Variants in FARP1 observed in about 807,000 individuals in gnomAD.
FARP1 encodes the protein FERM, ARH/RhoGEF and pleckstrin domain protein 1, also known as FERM, ARHGEF and pleckstrin domain-containing protein 1.
In FARP1, 52 loss-of-function variants were observed where a neutral mutation model predicts 128.8. The ratio of observed to expected loss-of-function variants is 0.40; its 90% confidence interval spans 0.32 to 0.51. FARP1 has a LOEUF of 0.51. Ranked by LOEUF, FARP1 falls within the 20% of genes least tolerant of loss-of-function variation. The pLI, the probability that FARP1 is intolerant of heterozygous loss-of-function variation, is 0.45. For missense variants in FARP1, 1,333 were observed against 1,367.9 expected (o/e 0.97, Z 0.40); for synonymous variants, 580 against 551.8 (o/e 1.05, Z -0.72).
At chr13:98,262,439 T>C (rs7997235) in intron 2 of FARP1, among the ~76,000 whole-genome samples, 23,931 of 152,084 alleles carry the variant, frequency 0.16, 2,149 homozygotes, top group African/African-American at 0.24. Flanking sequence ...CCTGTGAATA[T>C]GGTTTTTCTC....
intron 16 of FARP1, among the ~76,000 whole-genome samples, chr13:98,417,121 G>C (rs1427869974): frequency 2.0e-5 from 3 of 152,096 alleles, no homozygotes; most frequent in Non-Finnish European, 4.4e-5. Flanking sequence ...GAAAATGGGA[G>C]GGAAGTCAAA....
At chr13:98,335,939 A>G (rs1336928970) in intron 2 of FARP1, among the ~76,000 whole-genome samples, 1 of 152,218 alleles carries the variant, frequency 6.6e-6, no homozygotes, top group Non-Finnish European at 1.5e-5. Context: ...CCAAAACAGC[A>G]AAAATGAAAC....
At chr13:98,401,179 A>G (rs1331744888) in intron 13 of FARP1, 1 of 152,146 alleles carries the variant, frequency 6.6e-6, no homozygotes, top group Non-Finnish European at 1.5e-5. Context: ...GAGCGGCATA[A>G]AGACATTTAC....
intron 14 of FARP1, among the ~76,000 whole-genome samples, chr13:98,410,222 G>A (rs72652219): frequency 0.044 from 6,759 of 152,340 alleles, 220 homozygotes; most frequent in Middle Eastern, 0.071. Flanking sequence ...CTCCACGGTG[G>A]GGCTGGCTGC....
intron 16 of FARP1, 36 bp downstream of exon 16, chr13:98,412,070 C>G (rs374854391): frequency 6.2e-7 from 1 of 1,602,062 alleles, no homozygotes; most frequent in Admixed American, 1.7e-5. Context: ...ACGTTCCTCC[C>G]TCCGTCTTGC....
intron 2 of FARP1, among the ~76,000 whole-genome samples, chr13:98,342,515 A>G (rs1209181277): frequency 1.3e-5 from 2 of 151,946 alleles, no homozygotes; most frequent in Non-Finnish European, 2.9e-5. Flanking sequence ...CCTGACCAAC[A>G]TGGTGAAACC....
At position 98,379,121 on chromosome 13, in the gene FARP1, TAA is replaced by T. The variant is rs1491472863; in HGVS notation, c.496+1204_496+1205del. On this transcript the variant is annotated intron_variant, in intron 6 of 26. Transcript: ENST00000319562. ...ATATATATAATATATAATCTATATA[TAA>T]TATATATATAATATATAATCTATAT... Among the ~76,000 whole-genome samples the T allele has an allele frequency of 3.8e-4, 33 of 86,696 alleles. 4 individuals carry two copies. The highest frequency in any genetic ancestry group is 6.1e-4 in the Non-Finnish European group (32 of 52,654). The allele number at this position is 86,696 out of a possible 152,430, so 56.9% of individuals were successfully genotyped here.
chr13:98,402,603 T>A (rs1430532645), intron 13 of FARP1: 1 of 152,188 alleles, frequency 6.6e-6, no homozygotes, highest in Non-Finnish European at 1.5e-5. Context: ...TTTGTCACTT[T>A]CCCTGCAGTG....
intron 2 of FARP1, among the ~76,000 whole-genome samples, chr13:98,306,573 C>T (rs897897830): frequency 2.0e-5 from 3 of 151,870 alleles, no homozygotes; most frequent in East Asian, 3.9e-4. Flanking sequence ...GGAGTGCAGT[C>T]GTGCAATTGT....
intron 2 of FARP1, among the ~76,000 whole-genome samples, chr13:98,268,484 T>C (rs1884234951): frequency 6.6e-6 from 1 of 152,172 alleles, no homozygotes; most frequent in Non-Finnish European, 1.5e-5. Context: ...CTTTTATTTT[T>C]TGAGATGGAG....
chr13:98,362,487 C>T (rs963270713), intron 3 of FARP1, among the ~76,000 whole-genome samples: 3 of 152,178 alleles, frequency 2.0e-5, no homozygotes, highest in Admixed American at 1.3e-4. Context: ...CACTGTCATC[C>T]CATGATGTCC....
intron 2 of FARP1, among the ~76,000 whole-genome samples, chr13:98,317,996 ATCCTCCTCCTCCCTCTTCATCTCCTTCT>A (rs1272011178): frequency 1.0e-5 from 1 of 97,480 alleles, no homozygotes; most frequent in Non-Finnish European, 2.1e-5. Context: ...CCTCTTCCTC[ATCCTCCTCCTCCCTCTTCATCTCCTTCT>A]TCCTCCTCCT....
At chr13:98,277,149 C>CACACACACACACACACA (rs1566824323) in intron 2 of FARP1, among the ~76,000 whole-genome samples, 58 of 113,238 alleles carry the variant, frequency 5.1e-4, no homozygotes, top group East Asian at 1.4e-3. Flanking sequence ...CACACACACA[C>CACACACACACACACACA]CCCATATGTA....
At chr13:98,335,098 A>G (rs1350496853) in intron 2 of FARP1, among the ~76,000 whole-genome samples, 1 of 152,200 alleles carries the variant, frequency 6.6e-6, no homozygotes, top group East Asian at 1.9e-4. Flanking sequence ...CATCAGGGAG[A>G]ATAGCCATTT....
chr13:98,446,555 G>T, intron 25 of FARP1, 111 bp from the exon 26 acceptor site: 1 of 1,156,470 alleles, frequency 8.6e-7, no homozygotes, highest in South Asian at 1.4e-5. Context: ...GCCCACGCCC[G>T]AGGAGGGAGC....
chr13:98,321,355 C>T (rs1163058000), intron 2 of FARP1, among the ~76,000 whole-genome samples: 4 of 152,180 alleles, frequency 2.6e-5, no homozygotes, highest in African/African-American at 7.2e-5. Context: ...TTGACTAAAG[C>T]ACACTTGAGT....
At chr13:98,253,139 C>T (rs967509841) in intron 2 of FARP1, among the ~76,000 whole-genome samples, 7 of 152,146 alleles carry the variant, frequency 4.6e-5, no homozygotes, top group African/African-American at 1.7e-4. Context: ...CAAGTTTGTC[C>T]AGCAAGGAAA....
intron 3 of FARP1, among the ~76,000 whole-genome samples, chr13:98,356,930 GC>G (rs1221777817): frequency 6.6e-6 from 1 of 152,080 alleles, no homozygotes; most frequent in African/African-American, 2.4e-5. Flanking sequence ...ACTGAGCCCG[GC>G]CAAGAAATTA....
At chr13:98,235,801 A>T (rs191424951) in intron 2 of FARP1, among the ~76,000 whole-genome samples, 1 of 147,570 alleles carries the variant, frequency 6.8e-6, no homozygotes, top group East Asian at 2.0e-4. Flanking sequence ...TCATTCATAA[A>T]CCGTACAATT....
Sources: gnomAD v4.1 joint callset for allele counts (sites outside exome capture counted in the v4.1 genomes callset) on GRCh38, gnomAD v4.1.1 for gene constraint, MANE v1.5 for transcripts, NCBI Gene and HGNC (gene_info 2026-07-23, HGNC 2026-07-21) for gene names.